NOL10: variants seen among roughly 807,000 people sequenced by gnomAD.
The protein encoded by NOL10 is nucleolar protein 10, also known as H_NH0074G24.1.
NOL10 carries 58 observed loss-of-function variants against 103.5 expected under a neutral mutation model. That is an observed-to-expected ratio of 0.56 (90% CI 0.45 to 0.70). The LOEUF (loss-of-function observed/expected upper bound fraction) is 0.70. Among genes scored for constraint, NOL10 ranks in the 30% least tolerant of loss-of-function variants. NOL10 has a pLI of 0.00. For missense variants in NOL10, 763 were observed against 807.3 expected (o/e 0.95, Z 0.67); for synonymous variants, 287 against 282.5 (o/e 1.02, Z -0.16).
chr2:10,585,841 GA>G (rs1209763016), intron 19 of NOL10, among the ~76,000 whole-genome samples: 1 of 152,138 alleles, frequency 6.6e-6, no homozygotes. Context: ...ATAAAGTCAA[GA>G]AAAAAGTCTG....
chr2:10,656,156 A>G (rs1189471919), intron 11 of NOL10, among the ~76,000 whole-genome samples: 2 of 152,352 alleles, frequency 1.3e-5, no homozygotes, highest in East Asian at 3.9e-4. Context: ...AATAACTTCT[A>G]CTTTACCAGT....
intron 13 of NOL10, among the ~76,000 whole-genome samples, chr2:10,628,951 T>C (rs370259833): frequency 5.3e-4 from 80 of 152,260 alleles, no homozygotes; most frequent in African/African-American, 1.9e-3. Context: ...CCTTAGGGAA[T>C]TAGGAACACG....
At chr2:10,577,513 G>A in intron 20 of NOL10, 123 bp downstream of exon 20, 1 of 711,308 alleles carries the variant, frequency 1.4e-6, no homozygotes, top group Non-Finnish European at 2.3e-6. Flanking sequence ...TTAGAACAGG[G>A]AACACAGCTT....
intron 13 of NOL10, among the ~76,000 whole-genome samples, chr2:10,609,110 A>G (rs1269313781): frequency 6.6e-6 from 1 of 152,066 alleles, no homozygotes; most frequent in East Asian, 1.9e-4. Context: ...AATTAAAGAC[A>G]CTGACCACAA....
chr2:10,622,647 G>A (rs1438072807), intron 13 of NOL10, among the ~76,000 whole-genome samples: 1 of 152,094 alleles, frequency 6.6e-6, no homozygotes, highest in South Asian at 2.1e-4. Flanking sequence ...ATTCAACATT[G>A]AGGCTATTAG....
intron 2 of NOL10, among the ~76,000 whole-genome samples, chr2:10,682,349 G>A (rs1681828696): frequency 6.6e-6 from 1 of 151,374 alleles, no homozygotes; most frequent in Non-Finnish European, 1.5e-5. Context: ...TTCCACAACA[G>A]TGTATCAAAC....
intron 19 of NOL10, among the ~76,000 whole-genome samples, chr2:10,585,216 C>T (rs1435791990): frequency 6.6e-6 from 1 of 152,206 alleles, no homozygotes; most frequent in Non-Finnish European, 1.5e-5. Flanking sequence ...TAGAGCAAGA[C>T]AAAAACAGCA....
chr2:10,645,826 G>A (rs1400736756), intron 12 of NOL10, among the ~76,000 whole-genome samples: 1 of 151,870 alleles, frequency 6.6e-6, no homozygotes, highest in Admixed American at 6.6e-5. Context: ...ACCGCATCTG[G>A]CCTCGATACT....
chr2:10,649,444 C>T (rs1679317137), intron 12 of NOL10, among the ~76,000 whole-genome samples: 1 of 151,184 alleles, frequency 6.6e-6, no homozygotes, highest in Non-Finnish European at 1.5e-5. Flanking sequence ...CCTCAGCCTC[C>T]TGAGTAGCTG....
chr2:10,628,749 A>G (rs1677645269), intron 13 of NOL10, among the ~76,000 whole-genome samples: 1 of 152,188 alleles, frequency 6.6e-6, no homozygotes, highest in African/African-American at 2.4e-5. Flanking sequence ...AATCACACTC[A>G]GTGTGATGCT....
chr2:10,636,719 C>T (rs1233638831), intron 13 of NOL10, among the ~76,000 whole-genome samples: 2 of 152,010 alleles, frequency 1.3e-5, no homozygotes, highest in South Asian at 2.1e-4. Context: ...GTTTCAAATA[C>T]TGAACTTGAA....
At chr2:10,588,013 T>C (rs936555300) in intron 19 of NOL10, among the ~76,000 whole-genome samples, 1 of 152,144 alleles carries the variant, frequency 6.6e-6, no homozygotes, top group Admixed American at 6.6e-5. Context: ...CACTATTCTT[T>C]TAAGACATCT....
At chr2:10,673,872 A>C (rs1232556237) in intron 4 of NOL10, among the ~76,000 whole-genome samples, 1 of 152,220 alleles carries the variant, frequency 6.6e-6, no homozygotes, top group Admixed American at 6.5e-5. Flanking sequence ...AGACTTTCAA[A>C]TATACATTAA....
chr2:10,584,240 G>A (rs115964710), intron 19 of NOL10, among the ~76,000 whole-genome samples: 6,032 of 152,208 alleles, frequency 0.04, 240 homozygotes, highest in African/African-American at 0.1. Context: ...CTTCAGGTAC[G>A]CAGGCCATGT....
At chr2:10,612,100 G>A (rs1676605683) in intron 13 of NOL10, among the ~76,000 whole-genome samples, 1 of 152,082 alleles carries the variant, frequency 6.6e-6, no homozygotes, top group Admixed American at 6.6e-5. Context: ...TCCAGCCTGG[G>A]CAACAGAGTG....
At chr2:10,615,327 A>T (rs1216037952) in intron 13 of NOL10, among the ~76,000 whole-genome samples, 1 of 152,250 alleles carries the variant, frequency 6.6e-6, no homozygotes, top group Non-Finnish European at 1.5e-5. Context: ...ATGAAATAAC[A>T]AGAAAAATAA....
chr2:10,633,604 T>C, intron 13 of NOL10, among the ~76,000 whole-genome samples: 1 of 152,010 alleles, frequency 6.6e-6, no homozygotes, highest in Non-Finnish European at 1.5e-5. Flanking sequence ...GTGATCTTTG[T>C]AAATAGATTA....
At chr2:10,684,137 C>T (rs1346093491) in intron 2 of NOL10, among the ~76,000 whole-genome samples, 3 of 151,818 alleles carry the variant, frequency 2.0e-5, no homozygotes, top group African/African-American at 7.3e-5. Flanking sequence ...AAAAAATTAG[C>T]CGGGCGTGGT....
chr2:10,595,580 GTTT>G (rs1252086398), intron 17 of NOL10, among the ~76,000 whole-genome samples: 2 of 127,558 alleles, frequency 1.6e-5, no homozygotes, highest in East Asian at 2.1e-4. Flanking sequence ...TTACAGAAAT[GTTT>G]TTTTGTTTTG....
Sources: allele counts gnomAD v4.1 joint callset (sites outside exome capture counted in the v4.1 genomes callset), GRCh38; gene constraint gnomAD v4.1.1; transcripts MANE v1.5; gene names NCBI Gene and HGNC (gene_info 2026-07-23, HGNC 2026-07-21).